The following SOX5 variants were observed in gnomAD, a reference collection of about 807,000 sequenced individuals.
The protein encoded by SOX5 is transcription factor SOX-5.
A neutral mutation model predicts 92.0 loss-of-function variants in SOX5; 9 were observed. The ratio of observed to expected loss-of-function variants is 0.10; its 90% CI spans 0.06 to 0.17. The LOEUF (loss-of-function observed/expected upper bound fraction) is 0.17, where lower values mean the gene tolerates loss of function less well. Among genes scored for constraint, SOX5 ranks in the 10% least tolerant of loss-of-function variants. The pLI, the probability that SOX5 is intolerant of heterozygous loss-of-function variation, is 1.00. For missense variants in SOX5, 642 were observed against 944.5 expected (o/e 0.68, Z 4.20); for synonymous variants, 344 against 336.3 (o/e 1.02, Z -0.25).
chr12:23,850,101 T>A (rs545319383), intron 2 of SOX5, among the ~76,000 whole-genome samples: 18 of 152,292 alleles, frequency 1.2e-4, no homozygotes, highest in African/African-American at 4.1e-4. Flanking sequence ...GACATAGTCA[T>A]GTTCCTCTTC....
intron 1 of SOX5, among the ~76,000 whole-genome samples, chr12:24,369,686 G>C (rs917574076): frequency 6.6e-6 from 1 of 152,230 alleles, no homozygotes; most frequent in African/African-American, 2.4e-5. Flanking sequence ...TGCATTCTGA[G>C]TCTTTCAAGC....
intron 8 of SOX5, among the ~76,000 whole-genome samples, chr12:23,631,357 T>C (rs1417389476): frequency 6.6e-6 from 1 of 152,088 alleles, no homozygotes. Context: ...ATTTCTAAGA[T>C]AAACATAATC....
At chr12:23,799,769 A>T (rs934955053) in intron 3 of SOX5, among the ~76,000 whole-genome samples, 1 of 152,024 alleles carries the variant, frequency 6.6e-6, no homozygotes, top group Admixed American at 6.6e-5. Flanking sequence ...AATTACAGAC[A>T]GTGTCCTAGA....
intron 1 of SOX5, among the ~76,000 whole-genome samples, chr12:23,917,933 A>G (rs2097434872): frequency 6.6e-6 from 1 of 152,210 alleles, no homozygotes; most frequent in African/African-American, 2.4e-5. Context: ...TCAATTGGGT[A>G]TCTACTAATT....
intron 1 of SOX5, among the ~76,000 whole-genome samples, chr12:23,919,705 C>T (rs2097461016): frequency 6.6e-6 from 1 of 152,148 alleles, no homozygotes; most frequent in South Asian, 2.1e-4. Flanking sequence ...GCCTGAAGTC[C>T]CACAACTTCA....
intron 9 of SOX5, among the ~76,000 whole-genome samples, chr12:23,589,920 G>A (rs1472639257): frequency 6.6e-6 from 1 of 151,924 alleles, no homozygotes; most frequent in Non-Finnish European, 1.5e-5. Flanking sequence ...ACCCTCATGG[G>A]ACTGAGGATC....
At chr12:24,124,205 T>C (rs1948889303) in intron 4 of SOX5, among the ~76,000 whole-genome samples, 1 of 152,192 alleles carries the variant, frequency 6.6e-6, no homozygotes, top group Non-Finnish European at 1.5e-5. Context: ...CAATAATCCT[T>C]CATTTGTGTC....
chr12:24,161,547 G>A (rs1352787792), intron 4 of SOX5, among the ~76,000 whole-genome samples: 4 of 152,102 alleles, frequency 2.6e-5, no homozygotes, highest in Non-Finnish European at 5.9e-5. Context: ...AATAATAGTT[G>A]GATAGAAATC....
intron 4 of SOX5, among the ~76,000 whole-genome samples, chr12:24,007,143 AT>A (rs1173089413): frequency 0.059 from 1,783 of 29,986 alleles, 299 homozygotes; most frequent in Middle Eastern, 0.29. Flanking sequence ...AAAAAAAAAT[AT>A]ATATATATAT....
At chr12:23,812,190 G>C (rs2095887261) in intron 3 of SOX5, among the ~76,000 whole-genome samples, 1 of 151,978 alleles carries the variant, frequency 6.6e-6, no homozygotes, top group South Asian at 2.1e-4. Context: ...TACAACTAAA[G>C]TCTGGCACCC....
At position 23,799,201 on chromosome 12, in the gene SOX5, T is replaced by C. The variant is rs1244878926; in HGVS notation, c.482-43477A>G. On this transcript the variant is annotated intron_variant, in intron 3 of 14. Coordinates refer to ENST00000451604, the MANE Select transcript of SOX5 (RefSeq NM_006940.6). ...AGGTTTAAAGAACAAAGGTTAAGAA[T>C]GTATAAGCATTCTAACTTATTCTTG... Among the ~76,000 whole-genome samples, 6 of 152,164 alleles carry C rather than the reference T, an allele frequency of 3.9e-5. No homozygotes were observed. In the East Asian group the frequency reaches 5.8e-4, roughly 15 times the overall value.
At chr12:24,316,415 A>C (rs1416969361) in intron 2 of SOX5, among the ~76,000 whole-genome samples, 1 of 152,188 alleles carries the variant, frequency 6.6e-6, no homozygotes, top group Non-Finnish European at 1.5e-5. Context: ...TGATATTGGC[A>C]CAAGTTATCT....
At chr12:23,690,394 T>C (rs1017370106) in intron 6 of SOX5, among the ~76,000 whole-genome samples, 1 of 152,158 alleles carries the variant, frequency 6.6e-6, no homozygotes, top group Non-Finnish European at 1.5e-5. Flanking sequence ...CAACCAATGA[T>C]TTATTTTGTG....
chr12:24,054,774 C>T (rs1957929600), intron 4 of SOX5, among the ~76,000 whole-genome samples: 1 of 152,210 alleles, frequency 6.6e-6, no homozygotes, highest in African/African-American at 2.4e-5. Flanking sequence ...TTAAATGTCA[C>T]TTCGTCTTAA....
At chr12:24,028,064 C>CTAT (rs1955077854) in intron 4 of SOX5, among the ~76,000 whole-genome samples, 1 of 151,988 alleles carries the variant, frequency 6.6e-6, no homozygotes, top group Admixed American at 6.6e-5. Context: ...AAATAGTATT[C>CTAT]TATGACTTCT....
intron 4 of SOX5, among the ~76,000 whole-genome samples, chr12:24,030,744 A>T (rs1301138725): frequency 1.3e-5 from 2 of 151,590 alleles, no homozygotes; most frequent in Non-Finnish European, 2.9e-5. Flanking sequence ...CAACCAACAG[A>T]GTAAAGAGAC....
At chr12:23,865,031 A>T (rs1476098189) in intron 2 of SOX5, among the ~76,000 whole-genome samples, 5 of 152,202 alleles carry the variant, frequency 3.3e-5, no homozygotes, top group Non-Finnish European at 5.9e-5. Context: ...GTTAATGGTG[A>T]CATTAAGTTG....
At chr12:23,953,116 G>A (rs1945870126), upstream of SOX5, among the ~76,000 whole-genome samples, 2 of 152,008 alleles carry the variant, frequency 1.3e-5, no homozygotes, top group Non-Finnish European at 2.9e-5. Flanking sequence ...AGCCATAAAA[G>A]TTTTCTTTCA....
intron 9 of SOX5, among the ~76,000 whole-genome samples, chr12:23,593,174 A>G (rs1951829925): frequency 2.0e-5 from 3 of 152,290 alleles, no homozygotes; most frequent in African/African-American, 7.2e-5. Flanking sequence ...ATATTCTCCA[A>G]CTTTACAATA....
Sources: allele counts gnomAD v4.1 joint callset (sites outside exome capture counted in the v4.1 genomes callset), GRCh38; gene constraint gnomAD v4.1.1; transcripts MANE v1.5; gene names NCBI Gene and HGNC (gene_info 2026-07-23, HGNC 2026-07-21).